The following CTNNA2 variants were observed in gnomAD, a reference collection of about 807,000 sequenced individuals.
CTNNA2 encodes catenin alpha-2.
In CTNNA2, 42 loss-of-function variants were observed where a neutral mutation model predicts 101.0. The ratio of observed to expected loss-of-function variants is 0.42; its 90% CI spans 0.32 to 0.54. The LOEUF (loss-of-function observed/expected upper bound fraction) is 0.54, where lower values mean the gene tolerates loss of function less well. Ranked by LOEUF, CTNNA2 falls within the 20% of genes least tolerant of loss-of-function variation. The pLI is 0.14. For missense variants in CTNNA2, 871 were observed against 1,223.1 expected, an observed-to-expected ratio of 0.71 and a Z score of 4.29; for synonymous variants, 450 against 456.4, an observed-to-expected ratio of 0.99 and a Z score of 0.18.
chr2:80,027,634 C>G (rs1001494340), intron 7 of CTNNA2, among the ~76,000 whole-genome samples: 1 of 152,036 alleles, frequency 6.6e-6, no homozygotes, highest in African/African-American at 2.4e-5. Flanking sequence ...GGATTCTTTT[C>G]TATCAGATTT....
intron 16 of CTNNA2, among the ~76,000 whole-genome samples, chr2:80,606,406 ACACACACC>A (rs762979005): frequency 0.074 from 8,959 of 120,590 alleles, 500 homozygotes; most frequent in African/African-American, 0.19. Flanking sequence ...ACACACACAC[ACACACACC>A]CCCCAGGATA....
At chr2:79,992,715 C>A (rs547353749) in intron 7 of CTNNA2, among the ~76,000 whole-genome samples, 2 of 152,260 alleles carry the variant, frequency 1.3e-5, no homozygotes, top group East Asian at 3.9e-4. Context: ...TCAAGAAATG[C>A]TATGAGTATT....
chr2:79,371,398 A>C (rs1460897347), intron 3 of CTNNA2, among the ~76,000 whole-genome samples: 1 of 152,048 alleles, frequency 6.6e-6, no homozygotes, highest in Non-Finnish European at 1.5e-5. Context: ...CAGCAGCAGC[A>C]GACAGAGGGA....
At chr2:79,194,489 A>G (rs1336608659) in intron 1 of CTNNA2, among the ~76,000 whole-genome samples, 1 of 152,234 alleles carries the variant, frequency 6.6e-6, no homozygotes, top group Non-Finnish European at 1.5e-5. Context: ...TTCTCTGGCA[A>G]GACACACCCA....
chr2:79,932,469 T>C (rs867361799), intron 7 of CTNNA2, among the ~76,000 whole-genome samples: 1 of 152,114 alleles, frequency 6.6e-6, no homozygotes, highest in Middle Eastern at 3.4e-3. Context: ...CTGAGATACT[T>C]GTGTGTGAGA....
intron 1 of CTNNA2, among the ~76,000 whole-genome samples, chr2:79,552,303 CG>C (rs1558723307): frequency 6.6e-6 from 1 of 152,146 alleles, no homozygotes; most frequent in Non-Finnish European, 1.5e-5. Context: ...CCTTTGACTC[CG>C]TGTCTCACAT....
chr2:79,247,043 C>G (rs139455602), intron 2 of CTNNA2, among the ~76,000 whole-genome samples: 8 of 152,264 alleles, frequency 5.3e-5, no homozygotes, highest in African/African-American at 1.9e-4. Context: ...GTTGCAGAAA[C>G]CGGCAGGCGT....
chr2:79,258,231 G>A (rs1015229438), intron 2 of CTNNA2, among the ~76,000 whole-genome samples: 1 of 152,068 alleles, frequency 6.6e-6, no homozygotes, highest in Non-Finnish European at 1.5e-5. Context: ...TTTTTTTCAT[G>A]GGGAGTAGAG....
chr2:79,710,176 G>A (rs1012244070), intron 2 of CTNNA2, among the ~76,000 whole-genome samples: 1 of 151,758 alleles, frequency 6.6e-6, no homozygotes, highest in Non-Finnish European at 1.5e-5. Flanking sequence ...TTAATTCTGA[G>A]TAGTTACATT....
chr2:79,814,883 T>C (rs545407523), intron 3 of CTNNA2, among the ~76,000 whole-genome samples: 1 of 152,304 alleles, frequency 6.6e-6, no homozygotes, highest in Middle Eastern at 3.4e-3. Context: ...CTAGTTTACA[T>C]TCCTACCAGC....
At chr2:80,376,955 A>G (rs1167392542) in intron 7 of CTNNA2, among the ~76,000 whole-genome samples, 1 of 152,208 alleles carries the variant, frequency 6.6e-6, no homozygotes, top group Admixed American at 6.5e-5. Context: ...AGAGGACTGA[A>G]AAGGAGGAAT....
At chr2:79,280,809 C>T (rs932463794) in intron 2 of CTNNA2, among the ~76,000 whole-genome samples, 4 of 151,874 alleles carry the variant, frequency 2.6e-5, no homozygotes, top group African/African-American at 9.7e-5. Flanking sequence ...GACTGCACAC[C>T]TGAAGAAAGG....
intron 7 of CTNNA2, among the ~76,000 whole-genome samples, chr2:80,232,366 T>TTTTTTTTTTTTTTTTTTTTTTTG (rs1709296928): frequency 1.6e-5 from 1 of 60,994 alleles, no homozygotes; most frequent in Non-Finnish European, 5.7e-5. Flanking sequence ...TTTTTTTTTT[T>TTTTTTTTTTTTTTTTTTTTTTTG]TTTTTTTTTT....
At chr2:80,525,558 T>C (rs530101058) in intron 9 of CTNNA2, among the ~76,000 whole-genome samples, 1 of 152,206 alleles carries the variant, frequency 6.6e-6, no homozygotes, top group Non-Finnish European at 1.5e-5. Context: ...TGAATTCAGC[T>C]AAGCCTGACT....
chr2:79,187,701 A>T (rs1381773840), intron 1 of CTNNA2, among the ~76,000 whole-genome samples: 1 of 152,190 alleles, frequency 6.6e-6, no homozygotes, highest in Admixed American at 6.5e-5. Flanking sequence ...GATTTCACAG[A>T]AGGCTGCCTG....
intron 9 of CTNNA2, among the ~76,000 whole-genome samples, chr2:80,451,223 G>A (rs1344431802): frequency 6.6e-6 from 1 of 152,022 alleles, no homozygotes; most frequent in Admixed American, 6.5e-5. Flanking sequence ...CATGTCTCCT[G>A]GGAAGGACCC....
rs575763877 is a variant in CTNNA2, at chr2:80,142,108, T to C, written c.1056+232311T>C. Among the ~76,000 whole-genome samples the C allele has an allele frequency of 8.5e-5, 13 of 152,224 alleles. No homozygotes were observed. The South Asian group carries it at 2.3e-3, about 27-fold the overall frequency. On this transcript the variant is annotated intron_variant, in intron 7 of 18. Coordinates refer to ENST00000402739, the MANE Select transcript of CTNNA2 (RefSeq NM_001282597.3). ...GAGAAAGCTTCGCCTCCTAAACCAATTGCAAATTAGAAAAATTTTGGATGC... is the reference window on the plus strand; with the variant it reads ...GAGAAAGCTTCGCCTCCTAAACCAACTGCAAATTAGAAAAATTTTGGATGC...
rs190123280 is a variant in CTNNA2 at position 79,780,503 on chromosome 2, A to G, written c.298+35921A>G. 4.5e-3 allele frequency among the ~76,000 whole-genome samples: 690 copies of G among 152,258 alleles called. 4 individuals are homozygous for G. The highest frequency in any genetic ancestry group is 0.016 in the South Asian group (79 of 4,820). On this transcript the variant is annotated intron_variant, in intron 3 of 18. Coordinates refer to ENST00000402739, the MANE Select transcript of CTNNA2 (RefSeq NM_001282597.3). ...CAGACCCCTCTGAGATTCTGAGGAAAAGGAAGGATTCTCTTTCCCCCACAA... is the reference window on the plus strand; with the variant it reads ...CAGACCCCTCTGAGATTCTGAGGAAGAGGAAGGATTCTCTTTCCCCCACAA...
intron 7 of CTNNA2, among the ~76,000 whole-genome samples, chr2:80,048,065 A>G (rs1463720242): frequency 6.6e-6 from 1 of 152,188 alleles, no homozygotes; most frequent in Admixed American, 6.5e-5. Context: ...GGGTCACTTG[A>G]TGAAAATAAT....
Sources: gnomAD v4.1 joint callset for allele counts (sites outside exome capture counted in the v4.1 genomes callset) on GRCh38, gnomAD v4.1.1 for gene constraint, MANE v1.5 for transcripts, NCBI Gene and HGNC (gene_info 2026-07-23, HGNC 2026-07-21) for gene names.